ARHGAP24: variants seen among roughly 807,000 people sequenced by gnomAD.
ARHGAP24 encodes rho GTPase-activating protein 24.
In ARHGAP24, 50 loss-of-function variants were observed where a neutral mutation model predicts 76.4. The ratio of observed to expected loss-of-function variants is 0.65; its 90% CI spans 0.52 to 0.83. The LOEUF (loss-of-function observed/expected upper bound fraction) is 0.83. Among genes scored for constraint, ARHGAP24 ranks in the 40% least tolerant of loss-of-function variants. ARHGAP24 has a pLI of 0.00. For synonymous variants in ARHGAP24, 345 were observed against 323.3 expected, an observed-to-expected ratio of 1.07 and a Z score of -0.72; for missense variants, 930 against 914.2, an observed-to-expected ratio of 1.02 and a Z score of -0.22.
At chr4:85,841,226 G>T (rs1174311656) in intron 3 of ARHGAP24, among the ~76,000 whole-genome samples, 1 of 152,124 alleles carries the variant, frequency 6.6e-6, no homozygotes, top group Non-Finnish European at 1.5e-5. Context: ...GTGAGAAAGC[G>T]TACATTCATT....
intron 2 of ARHGAP24, among the ~76,000 whole-genome samples, chr4:85,625,417 T>C (rs548775920): frequency 6.6e-6 from 1 of 152,334 alleles, no homozygotes; most frequent in East Asian, 1.9e-4. Context: ...TCTAGTTTGA[T>C]TGCACTGTTG....
chr4:85,903,229 C>T (rs1029226820), intron 3 of ARHGAP24, among the ~76,000 whole-genome samples: 2 of 152,122 alleles, frequency 1.3e-5, no homozygotes, highest in African/African-American at 4.8e-5. Flanking sequence ...TAACTGAACA[C>T]TTTGATCTTT....
At position 85,570,670 on chromosome 4, in the gene ARHGAP24, C is replaced by T; in HGVS notation, c.129C>T (p.Leu43=). ...VKTWHTRWFV[L]KGDQLYYFKD... ...CTTGGCATACTCGCTGGTTTGTGCT[C>T]AAGGGGGATCAGCTCTATTATTTCA... The change falls in exon 2 of 10, where the codon CTC becomes CTT. Residue 43 remains leucine (L), a synonymous_variant. Coordinates refer to ENST00000395184, the MANE Select transcript of ARHGAP24 (RefSeq NM_001025616.3). The T allele has an allele frequency of 1.2e-6, 2 of 1,613,992 alleles. No homozygotes were observed. Among genetic ancestry groups the T allele is most frequent in the South Asian group, 1.1e-5 (1 of 91,060 alleles).
At chr4:85,891,267 G>C (rs10000107) in intron 3 of ARHGAP24, among the ~76,000 whole-genome samples, 2,028 of 149,232 alleles carry the variant, frequency 0.014, 30 homozygotes, top group Non-Finnish European at 0.023. Flanking sequence ...GGGCTGAGAC[G>C]ATGGGGTTTT....
intron 1 of ARHGAP24, among the ~76,000 whole-genome samples, chr4:85,501,230 G>A (rs774866179): frequency 6.6e-6 from 1 of 152,164 alleles, no homozygotes; most frequent in Non-Finnish European, 1.5e-5. Flanking sequence ...AATCCTTTGG[G>A]TATACACCTG....
chr4:85,579,499 T>G (rs1350420579), intron 2 of ARHGAP24, among the ~76,000 whole-genome samples: 1 of 151,626 alleles, frequency 6.6e-6, no homozygotes, highest in Non-Finnish European at 1.5e-5. Context: ...TTAGGTTTTT[T>G]TTTTTTTTTT....
At chr4:85,792,824 C>T (rs1728187851) in intron 3 of ARHGAP24, among the ~76,000 whole-genome samples, 2 of 152,096 alleles carry the variant, frequency 1.3e-5, no homozygotes, top group South Asian at 4.1e-4. Flanking sequence ...TGTAAAGCAC[C>T]ACTGAAGAAC....
At chr4:85,940,737 T>C (rs1736909242) in intron 4 of ARHGAP24, among the ~76,000 whole-genome samples, 1 of 152,220 alleles carries the variant, frequency 6.6e-6, no homozygotes. Flanking sequence ...CTTTATATAC[T>C]TGAATATCGA....
intron 5 of ARHGAP24, among the ~76,000 whole-genome samples, chr4:85,951,159 T>G (rs866883149): frequency 7.4e-4 from 112 of 152,304 alleles, no homozygotes; most frequent in African/African-American, 9.9e-4. Flanking sequence ...TGCAAAATCC[T>G]GGATTCTGCT....
intron 2 of ARHGAP24, among the ~76,000 whole-genome samples, chr4:85,614,288 G>T (rs762415657): frequency 6.6e-6 from 1 of 151,998 alleles, no homozygotes; most frequent in Non-Finnish European, 1.5e-5. Flanking sequence ...TATGACATTG[G>T]GCATCTTGTG....
intron 2 of ARHGAP24, among the ~76,000 whole-genome samples, chr4:85,679,555 CCT>C (rs1322627875): frequency 5.3e-5 from 8 of 151,964 alleles, no homozygotes; most frequent in Non-Finnish European, 1.0e-4. Flanking sequence ...GGTCTCTGGC[CCT>C]CAGTCCATTA....
intron 4 of ARHGAP24, among the ~76,000 whole-genome samples, chr4:85,928,586 T>G (rs1446295117): frequency 6.6e-6 from 1 of 152,074 alleles, no homozygotes; most frequent in African/African-American, 2.4e-5. Flanking sequence ...GCCTCCCCAG[T>G]AGCTGATATT....
chr4:85,899,200 T>C (rs546755753), intron 3 of ARHGAP24, among the ~76,000 whole-genome samples: 1 of 152,306 alleles, frequency 6.6e-6, no homozygotes, highest in Middle Eastern at 3.4e-3. Flanking sequence ...CTGTATTTTG[T>C]AAAGAAAAAA....
chr4:85,486,367 T>G (rs1348625120), intron 1 of ARHGAP24, among the ~76,000 whole-genome samples: 2 of 152,164 alleles, frequency 1.3e-5, no homozygotes, highest in Non-Finnish European at 2.9e-5. Flanking sequence ...AATATGTGTA[T>G]GATGGTCCGT....
At chr4:85,653,013 T>C (rs60629877) in intron 2 of ARHGAP24, among the ~76,000 whole-genome samples, 59,279 of 151,856 alleles carry the variant, frequency 0.39, 13,043 homozygotes, top group East Asian at 0.84. Context: ...TCTTGAGGCA[T>C]ATTAATATGT....
At chr4:85,874,967 A>C in intron 3 of ARHGAP24, among the ~76,000 whole-genome samples, 1 of 120,102 alleles carries the variant, frequency 8.3e-6, no homozygotes, top group African/African-American at 3.3e-5. Context: ...TTATATATAA[A>C]TATATTTTTA....
intron 3 of ARHGAP24, among the ~76,000 whole-genome samples, chr4:85,838,297 A>G (rs1311430115): frequency 1.3e-5 from 2 of 152,160 alleles, no homozygotes; most frequent in African/African-American, 4.8e-5. Flanking sequence ...TTCTGAATAT[A>G]TCTTTAAAAG....
chr4:86,000,700 G>A lies in ARHGAP24; in HGVS notation c.2225G>A (p.Gly742Glu), dbSNP rs779960116. The A allele has an allele frequency of 7.4e-6, 12 of 1,613,816 alleles. No individual in the cohort carries two copies. The Admixed American group carries it at 1.7e-4, about 22-fold the overall frequency. The change falls in exon 10 of 10, where the codon GGA (glycine) becomes GAA (glutamate). Residue 742 changes from glycine to glutamate, a missense_variant. Gly to Glu is a moderately conservative substitution (Grantham distance 98). Coordinates refer to ENST00000395184, the MANE Select transcript of ARHGAP24 (RefSeq NM_001025616.3). ...GTGGAACCCAGGAGAACCGAGAGAG[G>A]AAACACAATATGGATTCAGTGAGCC... ...LTVEPRRTERGNTIWIQ is the reference protein window; with the variant it reads ...LTVEPRRTERENTIWIQ
intron 3 of ARHGAP24, among the ~76,000 whole-genome samples, chr4:85,759,635 G>A (rs1726659554): frequency 6.6e-6 from 1 of 152,146 alleles, no homozygotes; most frequent in African/African-American, 2.4e-5. Flanking sequence ...ATAGGACTGA[G>A]GCTGAGACTG....
Sources: gnomAD v4.1 joint callset for allele counts (sites outside exome capture counted in the v4.1 genomes callset) on GRCh38, gnomAD v4.1.1 for gene constraint, MANE v1.5 for transcripts, NCBI Gene and HGNC (gene_info 2026-07-23, HGNC 2026-07-21) for gene names.